The following FAM124A variants were observed in gnomAD, a reference collection of about 807,000 sequenced individuals.
FAM124A encodes the protein protein FAM124A.
In FAM124A, 23 loss-of-function variants were observed where a neutral mutation model predicts 24.5. The ratio of observed to expected loss-of-function variants is 0.94; its 90% confidence interval spans 0.68 to 1.33. The LOEUF (loss-of-function observed/expected upper bound fraction) is 1.33. Ranked by LOEUF, FAM124A falls within the 40% of genes most tolerant of loss-of-function variation. The probability of loss-of-function intolerance (pLI) is 0.00; values close to 1 mark genes in which losing one functional copy is unlikely to be tolerated. For missense variants in FAM124A, 623 were observed against 722.8 expected, an observed-to-expected ratio of 0.86 and a Z score of 1.58; for synonymous variants, 287 against 314.7, an observed-to-expected ratio of 0.91 and a Z score of 0.93.
chr13:51,244,674 C>T (rs755805702), intron 2 of FAM124A, among the ~76,000 whole-genome samples: 4 of 152,122 alleles, frequency 2.6e-5, no homozygotes, highest in Non-Finnish European at 5.9e-5. Context: ...AGGCACCGGG[C>T]AAGCAGTGCA....
chr13:51,271,977 A>G (rs1954844466), intron 3 of FAM124A, among the ~76,000 whole-genome samples: 1 of 152,244 alleles, frequency 6.6e-6, no homozygotes, highest in Non-Finnish European at 1.5e-5. Flanking sequence ...TCAGCCTTGC[A>G]GTAGCACTGC....
rs978581031 is a variant in FAM124A at position 51,272,230 on chromosome 13, G to A, written c.835-8220G>A. Among the ~76,000 whole-genome samples, 42 of 152,128 alleles carry A rather than the reference G, an allele frequency of 2.8e-4. No individual in the cohort carries two copies. The highest frequency in any genetic ancestry group is 2.8e-3 in the Admixed American group (42 of 15,270). ...TTCTTACAAGGAAGTTGGGGGCACA[G>A]GAGGTCAGTAGGTTGGCTTTGGGGG... On this transcript the variant is annotated intron_variant, in intron 3 of 3. Coordinates refer to ENST00000322475, the MANE Select transcript of FAM124A (RefSeq NM_001242312.2). The surrounding 1 kb of genome is among the most constrained non-coding windows in gnomAD (Gnocchi z 4.2).
intron 3 of FAM124A, among the ~76,000 whole-genome samples, chr13:51,259,519 G>A (rs866063472): frequency 2.0e-5 from 3 of 151,526 alleles, no homozygotes; most frequent in Non-Finnish European, 4.4e-5. Flanking sequence ...ATAAACACAC[G>A]CCGGCTGCCT....
At chr13:51,228,428 T>A (rs1954338857) in intron 1 of FAM124A, among the ~76,000 whole-genome samples, 1 of 152,198 alleles carries the variant, frequency 6.6e-6, no homozygotes, top group African/African-American at 2.4e-5. Context: ...GGTGTGTGAA[T>A]GTACATAATT....
At chr13:51,241,867 C>T (rs1394104341) in intron 2 of FAM124A, among the ~76,000 whole-genome samples, 2 of 152,202 alleles carry the variant, frequency 1.3e-5, no homozygotes, top group Non-Finnish European at 2.9e-5. Context: ...TTTATAAGCA[C>T]ATATGCAGTG....
At chr13:51,270,049 G>A (rs1399613572) in intron 3 of FAM124A, among the ~76,000 whole-genome samples, 1 of 152,160 alleles carries the variant, frequency 6.6e-6, no homozygotes, top group Admixed American at 6.5e-5. Flanking sequence ...GAGATGTCCT[G>A]TTTACTCTGG....
rs757466454 is a variant in FAM124A, at chr13:51,280,957, G to A, written c.1342G>A (p.Glu448Lys). Residue 448 changes from glutamate to lysine, a missense_variant, in exon 4 of 4, where the codon GAA becomes AAA. Coordinates refer to ENST00000322475, the MANE Select transcript of FAM124A (RefSeq NM_001242312.2). Reference protein sequence around the residue: ...CSTVETPLPSERCSSHWAAHK... With the variant: ...CSTVETPLPSKRCSSHWAAHK... ...CACAGTGGAGACACCCCTCCCCTCCGAAAGATGCAGCAGCCACTGGGCAGC... is the reference window on the plus strand; with the variant it reads ...CACAGTGGAGACACCCCTCCCCTCCAAAAGATGCAGCAGCCACTGGGCAGC... The A allele has an allele frequency of 5.4e-5, 87 of 1,613,872 alleles. No individual in the cohort carries two copies. Among genetic ancestry groups the A allele is most frequent in the East Asian group, 8.9e-5 (4 of 44,872 alleles).
In FAM124A at chr13:51,251,738, A is replaced by G; in HGVS notation, c.371A>G (p.Gln124Arg). 6.3e-7 allele frequency: 1 copy of G among 1,584,960 alleles called. No homozygotes were observed. The change falls in exon 3 of 4, where the codon CAG becomes CGG. Residue 124 changes from glutamine (Q) to arginine (R), a missense_variant. Coordinates refer to ENST00000322475, the MANE Select transcript of FAM124A (RefSeq NM_001242312.2). The surrounding 1 kb of genome is among the most constrained non-coding windows in gnomAD (Gnocchi z 5.3). ...ATCCTGCAGCTGCACCGCACACTGC[A>G]GCAGCCGCCCTGGCGCCACCACCAC... Reference protein sequence around the residue: ...EQILQLHRTLQQPPWRHHHTE... With the variant: ...EQILQLHRTLRQPPWRHHHTE...
intron 3 of FAM124A, among the ~76,000 whole-genome samples, chr13:51,276,106 T>G (rs1954884077): frequency 6.6e-6 from 1 of 152,128 alleles, no homozygotes; most frequent in Non-Finnish European, 1.5e-5. Context: ...GACACAAGGC[T>G]CAAGGGGTAG....
At chr13:51,273,496 C>T (rs2137707231) in intron 3 of FAM124A, among the ~76,000 whole-genome samples, 1 of 152,272 alleles carries the variant, frequency 6.6e-6, no homozygotes, top group African/African-American at 2.4e-5. Flanking sequence ...CGGTCTCAAA[C>T]TCCTGAGCTT....
At chr13:51,241,219 T>C (rs756516680) in intron 2 of FAM124A, among the ~76,000 whole-genome samples, 61 of 152,334 alleles carry the variant, frequency 4.0e-4, no homozygotes, top group Non-Finnish European at 8.2e-4. Context: ...CAGCCAGGAC[T>C]CTGTAGGTGG....
chr13:51,222,541 T>G lies in FAM124A; in HGVS notation c.40T>G (p.Cys14Gly). 8.2e-7 allele frequency: 1 copy of G among 1,225,674 alleles called. No homozygotes were observed. The highest frequency in any genetic ancestry group is 4.0e-5 in the South Asian group (1 of 25,166). 75.9% of individuals were successfully genotyped at this position (1,225,674 alleles called of 1,614,324 possible). A position where few individuals can be genotyped will look rare whatever the true frequency, so the allele number is the denominator to read the frequency against. The change falls in exon 1 of 4, where the codon TGC becomes GGC. Residue 14 changes from cysteine (C) to glycine (G), a missense_variant. Cys to Gly is a radical substitution (Grantham distance 159, BLOSUM62 -3). Transcript: ENST00000322475. The stretch of plus-strand genomic sequence containing the variant: ...GGGCGGCGGCGGCGAGGAGGACGAC[T>G]GCGTGGACTCGGGCGCCGAGACCGG... Reference protein sequence around the residue: ...KAGGGGEEDDCVDSGAETGGS... With the variant: ...KAGGGGEEDDGVDSGAETGGS...
chr13:51,277,334 A>AT (rs1954894491), intron 3 of FAM124A, among the ~76,000 whole-genome samples: 1 of 45,090 alleles, frequency 2.2e-5, no homozygotes, highest in Non-Finnish European at 3.6e-5. Context: ...ACAGGGTGGG[A>AT]GGGTGGGAGG....
chr13:51,271,423 T>A (rs961719619), intron 3 of FAM124A, among the ~76,000 whole-genome samples: 3 of 152,122 alleles, frequency 2.0e-5, no homozygotes, highest in African/African-American at 4.8e-5. Flanking sequence ...ATAAAATAAT[T>A]TCAGTAGCCA....
At chr13:51,232,293 T>C (rs1056057876) in intron 2 of FAM124A, among the ~76,000 whole-genome samples, 3 of 135,990 alleles carry the variant, frequency 2.2e-5, no homozygotes, top group African/African-American at 7.9e-5. Flanking sequence ...GCCATTCAGA[T>C]TGATTGAATA....
intron 3 of FAM124A, among the ~76,000 whole-genome samples, chr13:51,263,285 C>G (rs1954754756): frequency 6.6e-6 from 1 of 152,226 alleles, no homozygotes; most frequent in Admixed American, 6.5e-5. Flanking sequence ...AGGCAGAGAG[C>G]CTGCTCTCTG....
rs1222474493 is a variant in FAM124A at position 51,272,351 on chromosome 13, C to T, written c.835-8099C>T. On this transcript the variant is annotated intron_variant, in intron 3 of 3. Coordinates refer to ENST00000322475, the MANE Select transcript of FAM124A (RefSeq NM_001242312.2). This position sits in a 1 kb window ranked among gnomAD's most constrained non-coding sequence, Gnocchi z 4.2. ...GTCTCTTGTCTTTATCATTCTGAGA[C>T]ACTGAATGGCCAAGACTTGATGCTG... 6.6e-6 allele frequency among the ~76,000 whole-genome samples: 1 copy of T among 152,232 alleles called. No homozygotes were observed. The highest frequency in any genetic ancestry group is 1.9e-4 in the East Asian group (1 of 5,170).
chr13:51,225,894 A>G (rs1425062396), intron 1 of FAM124A, among the ~76,000 whole-genome samples: 2 of 150,992 alleles, frequency 1.3e-5, no homozygotes, highest in Non-Finnish European at 3.0e-5. Flanking sequence ...TTGAGCAATC[A>G]GTGTGATAGA....
intron 1 of FAM124A, among the ~76,000 whole-genome samples, chr13:51,226,198 A>G (rs545368431): frequency 6.6e-6 from 1 of 151,162 alleles, no homozygotes; most frequent in African/African-American, 2.4e-5. Flanking sequence ...AGGTCCTGCT[A>G]TGTTGCTCAG....
Sources: gnomAD v4.1 joint callset for allele counts (sites outside exome capture counted in the v4.1 genomes callset) on GRCh38, gnomAD v4.1.1 for gene constraint, Gnocchi (gnomAD v3.1) non-coding constraint, MANE v1.5 for transcripts, NCBI Gene and HGNC (gene_info 2026-07-23, HGNC 2026-07-21) for gene names.